The following ARHGAP6 variants were observed in gnomAD, a reference collection of about 807,000 sequenced individuals.
ARHGAP6 encodes the protein Rho GTPase activating protein 6.
Under a neutral mutation model 55.7 loss-of-function variants are expected in ARHGAP6, and 16 were observed. The observed-to-expected ratio is 0.29, with a 90% confidence interval of 0.19 to 0.44. ARHGAP6 has a LOEUF of 0.44. Among genes scored for constraint, ARHGAP6 ranks in the 20% least tolerant of loss-of-function variants. The pLI is 1.00. For synonymous variants in ARHGAP6, 382 were observed against 360.9 expected (o/e 1.06, Z -0.66); for missense variants, 698 against 808.9 (o/e 0.86, Z 1.66).
intron 1 of ARHGAP6, among the ~76,000 whole-genome samples, chrX:11,503,274 A>C (rs191039482): frequency 1.1e-3 from 128 of 111,665 alleles, no homozygotes; most frequent in African/African-American, 3.3e-3. Context: ...TTTACAAATA[A>C]GACTTGTGAA....
chrX:11,524,363 G>A (rs60852849), intron 1 of ARHGAP6, among the ~76,000 whole-genome samples: 11,104 of 111,130 alleles, frequency 0.1, 685 homozygotes, highest in African/African-American at 0.21. Context: ...TGAAATGGAG[G>A]GAGCCTGGTA....
chrX:11,475,819 A>T (rs1291956023), intron 1 of ARHGAP6, among the ~76,000 whole-genome samples: 1 of 110,134 alleles, frequency 9.1e-6, no homozygotes, highest in Non-Finnish European at 1.9e-5. Context: ...ACAGACTAGG[A>T]GAAATTTTTA....
intron 1 of ARHGAP6, among the ~76,000 whole-genome samples, chrX:11,577,099 G>C (rs893046139): frequency 4.5e-5 from 5 of 111,984 alleles, no homozygotes; most frequent in Non-Finnish European, 9.4e-5. Context: ...AATAACCCAG[G>C]CCAATCTCCC....
At chrX:11,279,166 T>C (rs2147530237) in intron 1 of ARHGAP6, among the ~76,000 whole-genome samples, 1 of 112,117 alleles carries the variant, frequency 8.9e-6, no homozygotes, top group African/African-American at 3.2e-5. Flanking sequence ...TGCCAGAATT[T>C]ATGAAAGTTA....
chrX:11,633,374 A>T (rs1020032895), intron 1 of ARHGAP6, among the ~76,000 whole-genome samples: 3 of 111,509 alleles, frequency 2.7e-5, no homozygotes, highest in African/African-American at 9.8e-5. Context: ...TATGAGTAGG[A>T]TCTCTTTAAA....
chrX:11,363,401 T>C (rs1242308756), intron 1 of ARHGAP6, among the ~76,000 whole-genome samples: 3 of 112,419 alleles, frequency 2.7e-5, no homozygotes. Flanking sequence ...CTGGATGCTA[T>C]TTCAATATTT....
At chrX:11,223,381 T>C (rs984101338) in intron 2 of ARHGAP6, 5 of 123,562 alleles carry the variant, frequency 4.0e-5, no homozygotes, top group African/African-American at 1.3e-4. Context: ...TAGTGAACAA[T>C]ATGTTTACTT....
At chrX:11,280,745 C>CAAAAAA (rs59290872) in intron 1 of ARHGAP6, among the ~76,000 whole-genome samples, 105 of 52,974 alleles carry the variant, frequency 2.0e-3, no homozygotes, top group South Asian at 3.4e-3. Context: ...GACCTTGTCT[C>CAAAAAA]AAAAAAAAAA....
At chrX:11,247,379 A>G (rs2147471554) in intron 2 of ARHGAP6, among the ~76,000 whole-genome samples, 1 of 112,691 alleles carries the variant, frequency 8.9e-6, no homozygotes, top group East Asian at 2.8e-4. Flanking sequence ...TTGGTTTACA[A>G]TATAATAAGG....
At chrX:11,621,082 C>G (rs764667411) in intron 1 of ARHGAP6, among the ~76,000 whole-genome samples, 1 of 110,878 alleles carries the variant, frequency 9.0e-6, no homozygotes, top group Non-Finnish European at 1.9e-5. Context: ...TCCTGGGGAC[C>G]CCGGTGGACA....
intron 8 of ARHGAP6, among the ~76,000 whole-genome samples, chrX:11,170,955 C>A (rs926407441): frequency 9.0e-6 from 1 of 110,945 alleles, no homozygotes. Context: ...TGACCCTTCC[C>A]TCCAGAATGG....
At chrX:11,388,302 C>T (rs2049357092) in intron 1 of ARHGAP6, among the ~76,000 whole-genome samples, 1 of 111,866 alleles carries the variant, frequency 8.9e-6, no homozygotes, top group Non-Finnish European at 1.9e-5. Context: ...CTCTGATGGC[C>T]AGTGATGATG....
chrX:11,171,468 G>T (rs1419642081), intron 8 of ARHGAP6, among the ~76,000 whole-genome samples: 1 of 109,966 alleles, frequency 9.1e-6, no homozygotes, highest in East Asian at 2.8e-4. Flanking sequence ...AAACCATGAT[G>T]TTTTTTAACC....
intron 1 of ARHGAP6, among the ~76,000 whole-genome samples, chrX:11,557,001 T>C (rs1386725086): frequency 9.0e-6 from 1 of 111,607 alleles, no homozygotes; most frequent in Non-Finnish European, 1.9e-5. Context: ...TTCTACCCCT[T>C]GGACACTGCT....
intron 1 of ARHGAP6, among the ~76,000 whole-genome samples, chrX:11,409,275 A>G (rs764196087): frequency 1.8e-5 from 2 of 111,939 alleles, no homozygotes; most frequent in South Asian, 7.5e-4. Flanking sequence ...AGATATAATA[A>G]CTAGGGCCAC....
At chrX:11,269,909 G>T (rs915572845) in intron 1 of ARHGAP6, among the ~76,000 whole-genome samples, 1 of 111,625 alleles carries the variant, frequency 9.0e-6, no homozygotes, top group Non-Finnish European at 1.9e-5. Flanking sequence ...GAATGTTTTG[G>T]ATCCTTCAGA....
chrX:11,351,453 G>A, intron 1 of ARHGAP6: 5 of 964,668 alleles, frequency 5.2e-6, no homozygotes, highest in Non-Finnish European at 6.6e-6. Flanking sequence ...GCTCTCCCCA[G>A]ACTTGAAGGC....
intron 1 of ARHGAP6, among the ~76,000 whole-genome samples, chrX:11,564,123 T>C (rs62588008): frequency 0.37 from 40,906 of 110,756 alleles, 5,733 homozygotes; most frequent in African/African-American, 0.5. Flanking sequence ...GATAAATCAG[T>C]GTTCAGTGCA....
intron 1 of ARHGAP6, among the ~76,000 whole-genome samples, chrX:11,533,956 T>C (rs1158163124): frequency 4.5e-5 from 5 of 112,057 alleles, no homozygotes; most frequent in Non-Finnish European, 7.5e-5. Context: ...TATAGAAATA[T>C]TGAAAGGTTT....
Sources: gnomAD v4.1 joint callset for allele counts (sites outside exome capture counted in the v4.1 genomes callset) on GRCh38, gnomAD v4.1.1 for gene constraint, MANE v1.5 for transcripts, NCBI Gene and HGNC (gene_info 2026-07-23, HGNC 2026-07-21) for gene names.